The following WWOX variants were observed in gnomAD, a reference collection of about 807,000 sequenced individuals.
WWOX encodes the protein WW domain containing oxidoreductase.
WWOX carries 69 observed loss-of-function variants against 46.2 expected under a neutral mutation model. The observed-to-expected ratio is 1.49, with a 90% confidence interval of 1.23 to 1.82. The LOEUF (loss-of-function observed/expected upper bound fraction) is 1.82. WWOX is among the 40% of genes most tolerant of loss of function. The pLI is 0.00. For missense variants in WWOX, 919 were observed against 542.6 expected, an observed-to-expected ratio of 1.69 and a Z score of -6.89; for synonymous variants, 359 against 202.6, an observed-to-expected ratio of 1.77 and a Z score of -6.56.
At chr16:78,675,961 A>G (rs2047588316) in intron 8 of WWOX, among the ~76,000 whole-genome samples, 1 of 152,156 alleles carries the variant, frequency 6.6e-6, no homozygotes, top group Non-Finnish European at 1.5e-5. Flanking sequence ...CCCACCACAA[A>G]CCATTTAAAT....
intron 8 of WWOX, among the ~76,000 whole-genome samples, chr16:78,650,611 C>T (rs551926374): frequency 1.3e-5 from 2 of 152,302 alleles, no homozygotes; most frequent in South Asian, 2.1e-4. Flanking sequence ...ATGTAATTAG[C>T]ATATGTTGTC....
intron 4 of WWOX, chr16:78,130,079 G>C (rs2033528273): frequency 6.6e-6 from 1 of 152,178 alleles, no homozygotes; most frequent in Non-Finnish European, 1.5e-5. Context: ...ATGTGAAGAA[G>C]GACGTGTTTG....
intron 8 of WWOX, among the ~76,000 whole-genome samples, chr16:78,452,707 C>T (rs1314613223): frequency 6.6e-6 from 1 of 151,182 alleles, no homozygotes; most frequent in Non-Finnish European, 1.5e-5. Context: ...AATTCCTGAC[C>T]TCCATGTGAT....
At chr16:78,320,261 A>G (rs1031934894) in intron 5 of WWOX, among the ~76,000 whole-genome samples, 9 of 152,324 alleles carry the variant, frequency 5.9e-5, no homozygotes, top group African/African-American at 1.9e-4. Context: ...GGAAGAGTAC[A>G]CAAGCATTAT....
At chr16:78,816,142 C>G (rs1300860789) in intron 8 of WWOX, among the ~76,000 whole-genome samples, 5 of 152,182 alleles carry the variant, frequency 3.3e-5, no homozygotes. Flanking sequence ...AATCCAGTAT[C>G]TGTTGTTTAA....
intron 8 of WWOX, among the ~76,000 whole-genome samples, chr16:78,474,747 C>T (rs151003129): frequency 7.8e-4 from 118 of 152,246 alleles, no homozygotes; most frequent in African/African-American, 2.8e-3. Flanking sequence ...TTCAACTCTT[C>T]CCCAGCCTCT....
At chr16:78,287,153 G>A (rs1597445845) in intron 5 of WWOX, among the ~76,000 whole-genome samples, 1 of 152,312 alleles carries the variant, frequency 6.6e-6, no homozygotes, top group East Asian at 1.9e-4. Context: ...GGCAATCAAC[G>A]CCATAAGGAC....
chr16:78,284,238 C>T (rs901203573), intron 5 of WWOX, among the ~76,000 whole-genome samples: 1 of 152,112 alleles, frequency 6.6e-6, no homozygotes, highest in East Asian at 1.9e-4. Flanking sequence ...TGGTAACTTC[C>T]GTCTACTTTT....
At chr16:79,008,333 T>G (rs2047231457) in intron 8 of WWOX, among the ~76,000 whole-genome samples, 1 of 152,196 alleles carries the variant, frequency 6.6e-6, no homozygotes, top group African/African-American at 2.4e-5. Context: ...GGCCTAGCGA[T>G]TAGATCAGTC....
chr16:78,380,986 A>G (rs2081943524), intron 5 of WWOX, among the ~76,000 whole-genome samples: 1 of 152,034 alleles, frequency 6.6e-6, no homozygotes, highest in South Asian at 2.1e-4. Flanking sequence ...CATAGAAGGC[A>G]ATACTATTAT....
At chr16:78,865,767 C>G (rs2043990037) in intron 8 of WWOX, among the ~76,000 whole-genome samples, 1 of 152,172 alleles carries the variant, frequency 6.6e-6, no homozygotes, top group Non-Finnish European at 1.5e-5. Context: ...GTAATCCCAG[C>G]TACTCAGGAG....
intron 8 of WWOX, among the ~76,000 whole-genome samples, chr16:78,953,535 G>A (rs904542229): frequency 1.3e-5 from 2 of 152,080 alleles, no homozygotes; most frequent in African/African-American, 4.8e-5. Flanking sequence ...TTTACTGTTG[G>A]CTTCCTTCAG....
chr16:78,237,291 G>T (rs900581678), intron 5 of WWOX: 6 of 151,976 alleles, frequency 3.9e-5, no homozygotes, highest in Non-Finnish European at 8.8e-5. Context: ...TTTAAGAGGG[G>T]GTAAAAATAT....
In WWOX at chr16:78,910,532, T is replaced by A. The variant is rs145659758; in HGVS notation, c.1057-301076T>A. ...TTTTTTTTTTTTTTTAAATTAAGGA[T>A]GCTGTATGAGTCTTTTCTCATACTA... On this transcript the variant is annotated intron_variant, in intron 8 of 8. Coordinates refer to ENST00000566780, the MANE Select transcript of WWOX (RefSeq NM_016373.4). Among the ~76,000 whole-genome samples, 440 of 151,620 alleles carry A rather than the reference T, an allele frequency of 2.9e-3. 3 individuals are homozygous for A. Among genetic ancestry groups the A allele is most frequent in the Non-Finnish European group, 4.9e-3 (330 of 67,896 alleles).
intron 5 of WWOX, among the ~76,000 whole-genome samples, chr16:78,180,592 G>T (rs56301732): frequency 0.1 from 15,925 of 151,890 alleles, 862 homozygotes; most frequent in African/African-American, 0.13. Context: ...ATATGTTAGG[G>T]CTTGTGGGTA....
chr16:78,469,243 A>G (rs543772855), intron 8 of WWOX, among the ~76,000 whole-genome samples: 54 of 152,354 alleles, frequency 3.5e-4, no homozygotes, highest in African/African-American at 1.2e-3. Flanking sequence ...CCACCCATCA[A>G]GATATCCACC....
intron 8 of WWOX, among the ~76,000 whole-genome samples, chr16:78,633,989 A>G (rs1219473518): frequency 6.6e-6 from 1 of 151,136 alleles, no homozygotes. Context: ...CTGAGCCCCT[A>G]GAGAGACCAA....
chr16:78,919,524 GT>G (rs869086458), intron 8 of WWOX, among the ~76,000 whole-genome samples: 3 of 13,520 alleles, frequency 2.2e-4, no homozygotes, highest in African/African-American at 2.8e-4. Flanking sequence ...TTTTTGTTTT[GT>G]TTTTTTTTTT....
chr16:79,182,997 G>A (rs1404147505), intron 8 of WWOX, among the ~76,000 whole-genome samples: 2 of 152,222 alleles, frequency 1.3e-5, no homozygotes, highest in Non-Finnish European at 2.9e-5. Context: ...GGTCAGCATA[G>A]TGGTGGCCCT....
Sources: gnomAD v4.1 joint callset for allele counts (sites outside exome capture counted in the v4.1 genomes callset) on GRCh38, gnomAD v4.1.1 for gene constraint, MANE v1.5 for transcripts, NCBI Gene and HGNC (gene_info 2026-07-23, HGNC 2026-07-21) for gene names.